Variants in WDPCP observed in about 807,000 individuals in gnomAD.
WDPCP encodes the protein WD repeat containing planar cell polarity effector, also known as WD repeat-containing and planar cell polarity effector protein fritz homolog.
A neutral mutation model predicts 93.1 loss-of-function variants in WDPCP; 71 were observed. The observed-to-expected ratio is 0.76, with a 90% confidence interval of 0.63 to 0.93. WDPCP has a LOEUF of 0.93. Among genes scored for constraint, WDPCP ranks in the 40% least tolerant of loss-of-function variants. The pLI is 0.00. For missense variants in WDPCP, 844 were observed against 887.4 expected, an observed-to-expected ratio of 0.95 and a Z score of 0.62; for synonymous variants, 315 against 315.0, an observed-to-expected ratio of 1.00 and a Z score of 0.00.
chr2:63,776,753 C>T (rs114930396), intron 2 of WDPCP, among the ~76,000 whole-genome samples: 113 of 150,820 alleles, frequency 7.5e-4, no homozygotes, highest in African/African-American at 2.6e-3. Flanking sequence ...ATTAAAACCA[C>T]AGTGCCATGG....
intron 3 of WDPCP, chr2:63,604,590 A>G: frequency 1.1e-6 from 1 of 910,610 alleles, no homozygotes; most frequent in Non-Finnish European, 1.6e-6. Flanking sequence ...TTCTCTTGAA[A>G]TTTCAGAAGC....
chr2:63,511,397 C>T (rs1203082387), intron 1 of WDPCP, among the ~76,000 whole-genome samples: 1 of 152,176 alleles, frequency 6.6e-6, no homozygotes, highest in Non-Finnish European at 1.5e-5. Flanking sequence ...AAAACTACTA[C>T]TTTAAATTTC....
intron 1 of WDPCP, among the ~76,000 whole-genome samples, chr2:63,562,609 A>C (rs1230819424): frequency 3.3e-5 from 5 of 152,222 alleles, no homozygotes; most frequent in Non-Finnish European, 5.9e-5. Context: ...TGCCCAAATA[A>C]ATTATTACTA....
intron 2 of WDPCP, among the ~76,000 whole-genome samples, chr2:63,805,340 A>T (rs10865342): frequency 0.74 from 112,491 of 152,026 alleles, 42,050 homozygotes; most frequent in East Asian, 0.91. Flanking sequence ...GTCACTTTTA[A>T]TATTGATAAA....
At chr2:63,752,026 C>A in intron 2 of WDPCP, 2 of 625,828 alleles carry the variant, frequency 3.2e-6, no homozygotes, top group East Asian at 3.2e-5. Flanking sequence ...ACAACCAACA[C>A]CAAAGTTTCC....
At chr2:63,347,189 A>C (rs1423151151) in intron 12 of WDPCP, among the ~76,000 whole-genome samples, 1 of 152,182 alleles carries the variant, frequency 6.6e-6, no homozygotes, top group Non-Finnish European at 1.5e-5. Flanking sequence ...GCCCTGTTAA[A>C]TTGGTAGTAC....
intron 6 of WDPCP, 39 bp downstream of exon 6, chr2:63,484,565 A>T: frequency 6.2e-7 from 1 of 1,611,240 alleles, no homozygotes. Context: ...TTTCAGCTCC[A>T]TTGGTTAAAC....
At chr2:63,370,147 C>G (rs1459431103) in intron 12 of WDPCP, among the ~76,000 whole-genome samples, 4 of 152,078 alleles carry the variant, frequency 2.6e-5, no homozygotes, top group Non-Finnish European at 5.9e-5. Context: ...AACTTTTCTT[C>G]AAATTGCCAT....
intron 2 of WDPCP, among the ~76,000 whole-genome samples, chr2:63,734,203 A>G (rs1305174604): frequency 1.3e-5 from 2 of 152,144 alleles, no homozygotes; most frequent in Non-Finnish European, 2.9e-5. Flanking sequence ...GTGTGCAGAT[A>G]TTTGGAAATT....
intron 2 of WDPCP, among the ~76,000 whole-genome samples, chr2:63,757,761 T>G (rs141881708): frequency 1.7e-3 from 252 of 152,318 alleles, no homozygotes; most frequent in African/African-American, 5.6e-3. Flanking sequence ...TGTGTCACTT[T>G]CAGGCAAAAT....
intron 12 of WDPCP, among the ~76,000 whole-genome samples, chr2:63,363,859 G>A (rs1289139200): frequency 2.0e-5 from 3 of 151,704 alleles, no homozygotes; most frequent in Non-Finnish European, 4.4e-5. Flanking sequence ...TCATATAGTT[G>A]TATTTTTACA....
chr2:63,647,998 G>A (rs1710071715), intron 3 of WDPCP, among the ~76,000 whole-genome samples: 1 of 152,142 alleles, frequency 6.6e-6, no homozygotes, highest in Admixed American at 6.5e-5. Flanking sequence ...TCTTACTGAT[G>A]CATGAATTCC....
At position 63,378,409 on chromosome 2, in the gene WDPCP, C is replaced by G; in HGVS notation, c.1725G>C (p.Arg575Ser). 6.2e-7 allele frequency: 1 copy of G among 1,613,062 alleles called. No individual in the cohort carries two copies. The highest frequency in any genetic ancestry group is 1.1e-5 in the South Asian group (1 of 91,060). Residue 575 changes from arginine (R) to serine (S), a missense_variant, in exon 12 of 18, where the codon AGG becomes AGC. By Grantham distance (110) the Arg-to-Ser change is moderately radical. Coordinates refer to ENST00000272321, the MANE Select transcript of WDPCP (RefSeq NM_015910.7). ...ACCTGAGCAAGTGATGGAAGAATCTCCTTGCATATTTGCTGATTTGATCTC... is the reference window on the plus strand; with the variant it reads ...ACCTGAGCAAGTGATGGAAGAATCTGCTTGCATATTTGCTGATTTGATCTC... ...EYRDQISKYA[R>S]RFFHHLLRYQ... is the part of the protein sequence containing the mutation.
At chr2:63,607,620 G>A (rs927064447) in intron 3 of WDPCP, among the ~76,000 whole-genome samples, 1 of 151,358 alleles carries the variant, frequency 6.6e-6, no homozygotes, top group African/African-American at 2.4e-5. Flanking sequence ...CACTACGTCA[G>A]GAGATCGAGA....
At chr2:63,534,733 G>A (rs1030666903) in intron 1 of WDPCP, among the ~76,000 whole-genome samples, 10 of 152,070 alleles carry the variant, frequency 6.6e-5, no homozygotes, top group Admixed American at 6.6e-4. Context: ...AGCTATTTAT[G>A]ACAAACCCAC....
rs189155300 is a variant in WDPCP, at chr2:63,528,114, T to C, written c.76-35174A>G. On this transcript the variant is annotated intron_variant, in intron 1 of 17. Coordinates refer to ENST00000272321, the MANE Select transcript of WDPCP (RefSeq NM_015910.7). ...TGAGTTCTTTGTAGATTCTGGATAT[T>C]AGCCCTTTGTCAGATGAGTAGATTG... Among the ~76,000 whole-genome samples, 522 of 152,262 alleles carry C rather than the reference T, an allele frequency of 3.4e-3. 5 individuals are homozygous for C. Among genetic ancestry groups the C allele is most frequent in the African/African-American group, 0.012 (495 of 41,506 alleles).
chr2:63,316,691 A>T (rs752726569), intron 12 of WDPCP, among the ~76,000 whole-genome samples: 6 of 151,978 alleles, frequency 3.9e-5, no homozygotes, highest in South Asian at 2.1e-4. Flanking sequence ...AAAGAAAAAA[A>T]ACTAAAAGCT....
At chr2:63,567,047 G>A (rs1707124047) in intron 1 of WDPCP, among the ~76,000 whole-genome samples, 1 of 152,192 alleles carries the variant, frequency 6.6e-6, no homozygotes, top group African/African-American at 2.4e-5. Context: ...GGTTAGGACA[G>A]GGCTTCTATG....
chr2:63,741,922 G>A (rs902668259), intron 2 of WDPCP, among the ~76,000 whole-genome samples: 7 of 152,046 alleles, frequency 4.6e-5, no homozygotes, highest in Non-Finnish European at 8.8e-5. Context: ...ACAGCTGGTG[G>A]TTAATAAAGA....
Sources: allele counts gnomAD v4.1 joint callset (sites outside exome capture counted in the v4.1 genomes callset), GRCh38; gene constraint gnomAD v4.1.1; transcripts MANE v1.5; gene names NCBI Gene and HGNC (gene_info 2026-07-23, HGNC 2026-07-21).